The following WDFY4 variants were observed in gnomAD, a reference collection of about 807,000 sequenced individuals.
The protein encoded by WDFY4 is WD repeat- and FYVE domain-containing protein 4.
In WDFY4, 169 loss-of-function variants were observed where a neutral mutation model predicts 351.9. The ratio of observed to expected loss-of-function variants is 0.48; its 90% CI spans 0.42 to 0.55. The LOEUF is 0.55. WDFY4 is among the 20% of genes least tolerant of loss of function. The pLI is 0.00. For synonymous variants in WDFY4, 1,622 were observed against 1,574.6 expected, an observed-to-expected ratio of 1.03 and a Z score of -0.71; for missense variants, 3,803 against 3,935.6, an observed-to-expected ratio of 0.97 and a Z score of 0.90.
At chr10:48,823,073 T>G in intron 35 of WDFY4, 1 of 1,208,946 alleles carries the variant, frequency 8.3e-7, no homozygotes, top group South Asian at 1.3e-5. Flanking sequence ...AATGCATACC[T>G]GTAGGGCCAT....
intron 56 of WDFY4, 117 bp downstream of exon 56, chr10:48,969,365 G>C: frequency 3.1e-6 from 4 of 1,281,140 alleles, no homozygotes; most frequent in Non-Finnish European, 4.3e-6. Context: ...TTCCCTACAA[G>C]GTGTGCTGCC....
chr10:48,965,508 A>C (rs1454531807), intron 54 of WDFY4, among the ~76,000 whole-genome samples: 1 of 152,176 alleles, frequency 6.6e-6, no homozygotes, highest in Admixed American at 6.5e-5. Flanking sequence ...CAGTTTTTTT[A>C]AATAAGTTAC....
chr10:48,916,709 A>G (rs954328680), intron 47 of WDFY4, among the ~76,000 whole-genome samples: 1 of 152,230 alleles, frequency 6.6e-6, no homozygotes, highest in African/African-American at 2.4e-5. Flanking sequence ...TGATTCTGAA[A>G]GTTGTATAGC....
chr10:48,690,698 C>G (rs1272851875), intron 1 of WDFY4, among the ~76,000 whole-genome samples: 1 of 152,130 alleles, frequency 6.6e-6, no homozygotes, highest in Non-Finnish European at 1.5e-5. Flanking sequence ...TGCAGCTGGT[C>G]CTCCTATAAT....
chr10:48,873,018 C>T (rs188263860), intron 40 of WDFY4, among the ~76,000 whole-genome samples: 3 of 152,284 alleles, frequency 2.0e-5, no homozygotes, highest in South Asian at 4.1e-4. Flanking sequence ...GCTTCTAATT[C>T]CCACTCCACT....
At chr10:48,922,668 T>C (rs1229568062) in intron 47 of WDFY4, among the ~76,000 whole-genome samples, 1 of 152,186 alleles carries the variant, frequency 6.6e-6, no homozygotes, top group African/African-American at 2.4e-5. Flanking sequence ...TCTTAGAACA[T>C]ATCACCTGTG....
At chr10:48,799,708 G>A (rs12569847) in intron 24 of WDFY4, among the ~76,000 whole-genome samples, 22,669 of 152,074 alleles carry the variant, frequency 0.15, 2,068 homozygotes, top group East Asian at 0.36. Flanking sequence ...ATAAGGGGGA[G>A]GTTGCAGTGA....
chr10:48,941,338 C>G (rs575301079), intron 47 of WDFY4, among the ~76,000 whole-genome samples: 17 of 152,202 alleles, frequency 1.1e-4, no homozygotes, highest in Non-Finnish European at 2.4e-4. Flanking sequence ...AAAACATTTT[C>G]TGGAACATAC....
At chr10:48,931,292 C>T (rs1488740810) in intron 47 of WDFY4, among the ~76,000 whole-genome samples, 2 of 152,198 alleles carry the variant, frequency 1.3e-5, no homozygotes, top group Non-Finnish European at 1.5e-5. Context: ...TTGCCTGAGG[C>T]AGCCAGTGCT....
chr10:48,927,159 T>C (rs1021740613), intron 47 of WDFY4, among the ~76,000 whole-genome samples: 3 of 152,182 alleles, frequency 2.0e-5, no homozygotes, highest in Non-Finnish European at 4.4e-5. Context: ...TAACCTCTCG[T>C]TAAGTACTTC....
intron 13 of WDFY4, among the ~76,000 whole-genome samples, chr10:48,773,878 A>G (rs1023105951): frequency 6.6e-6 from 1 of 152,182 alleles, no homozygotes; most frequent in African/African-American, 2.4e-5. Flanking sequence ...ACTCCCAGGC[A>G]GATTCCACCT....
rs944294584 is a variant in WDFY4, at chr10:48,830,786, A to G, written c.6427A>G (p.Ile2143Val). Residue 2143 changes from isoleucine (I) to valine (V), a missense_variant, in exon 38 of 62, where the codon ATC becomes GTC. Transcript: ENST00000325239. ...GCAGACCCTGGAGGATGCCTTCAAG[A>G]TCGATCTCTCTGTGAAACCTGGAGA... ...RQQTLEDAFKIDLSVKPGERE... is the reference protein window; with the variant it reads ...RQQTLEDAFKVDLSVKPGERE... The G allele has an allele frequency of 6.4e-7, 1 of 1,551,604 alleles. No homozygotes were observed. The highest frequency in any genetic ancestry group is 8.7e-7 in the Non-Finnish European group (1 of 1,146,930).
chr10:48,924,365 T>C (rs896510815), intron 47 of WDFY4, among the ~76,000 whole-genome samples: 1 of 152,220 alleles, frequency 6.6e-6, no homozygotes, highest in Non-Finnish European at 1.5e-5. Context: ...TGATCATCTG[T>C]TTGAAACTGG....
chr10:48,888,237 C>T (rs1357065105), intron 43 of WDFY4, among the ~76,000 whole-genome samples: 1 of 151,978 alleles, frequency 6.6e-6, no homozygotes, highest in African/African-American at 2.4e-5. Flanking sequence ...ATCCTCAATT[C>T]ATCCTCCGTC....
chr10:48,864,461 C>T (rs1382248318), intron 39 of WDFY4, among the ~76,000 whole-genome samples: 1 of 152,170 alleles, frequency 6.6e-6, no homozygotes, highest in East Asian at 1.9e-4. Context: ...TATGCCAGTG[C>T]TGCACTGCCT....
At chr10:48,914,071 T>G in intron 47 of WDFY4, 1 of 1,614,232 alleles carries the variant, frequency 6.2e-7, no homozygotes, top group Non-Finnish European at 8.5e-7. Flanking sequence ...AGGCGCTTTT[T>G]CCCATCAAAA....
At chr10:48,797,315 T>C (rs1386841204) in intron 24 of WDFY4, among the ~76,000 whole-genome samples, 1 of 152,184 alleles carries the variant, frequency 6.6e-6, no homozygotes, top group East Asian at 1.9e-4. Flanking sequence ...GACTACACTT[T>C]AGCCTGGGCA....
chr10:48,859,087 T>A (rs1406167527), intron 39 of WDFY4, among the ~76,000 whole-genome samples: 1 of 152,164 alleles, frequency 6.6e-6, no homozygotes, highest in Non-Finnish European at 1.5e-5. Flanking sequence ...ATACCTTGAG[T>A]ATTTACCTTA....
At chr10:48,840,474 C>T (rs2068564118) in intron 39 of WDFY4, among the ~76,000 whole-genome samples, 1 of 151,514 alleles carries the variant, frequency 6.6e-6, no homozygotes, top group Non-Finnish European at 1.5e-5. Flanking sequence ...CACACACACC[C>T]CCACTCTCTT....
Sources: allele counts gnomAD v4.1 joint callset (sites outside exome capture counted in the v4.1 genomes callset), GRCh38; gene constraint gnomAD v4.1.1; transcripts MANE v1.5; gene names NCBI Gene and HGNC (gene_info 2026-07-23, HGNC 2026-07-21).